The following PLEKHA5 variants were observed in gnomAD, a reference collection of about 807,000 sequenced individuals.
PLEKHA5 encodes the protein pleckstrin homology domain-containing family A member 5.
A neutral mutation model predicts 181.9 loss-of-function variants in PLEKHA5; 55 were observed. The ratio of observed to expected loss-of-function variants is 0.30; its 90% CI spans 0.24 to 0.38. PLEKHA5 has a LOEUF of 0.38. PLEKHA5 is among the 10% of genes least tolerant of loss of function. The pLI, the probability that PLEKHA5 is intolerant of heterozygous loss-of-function variation, is 1.00. For synonymous variants in PLEKHA5, 535 were observed against 529.4 expected, an observed-to-expected ratio of 1.01 and a Z score of -0.15; for missense variants, 1,432 against 1,549.5, an observed-to-expected ratio of 0.92 and a Z score of 1.27.
intron 20 of PLEKHA5, among the ~76,000 whole-genome samples, chr12:19,331,327 T>C (rs2092807955): frequency 6.6e-6 from 1 of 152,184 alleles, no homozygotes; most frequent in Non-Finnish European, 1.5e-5. Context: ...GTTTTCCTCA[T>C]ATTAAAAACT....
intron 3 of PLEKHA5, chr12:19,151,211 G>A (rs2040308243): frequency 6.6e-6 from 1 of 152,224 alleles, no homozygotes; most frequent in Admixed American, 6.5e-5. Flanking sequence ...AGGTACTGAG[G>A]TAATGCTTTG....
At chr12:19,174,721 T>C (rs1243669012) in intron 3 of PLEKHA5, among the ~76,000 whole-genome samples, 1 of 152,226 alleles carries the variant, frequency 6.6e-6, no homozygotes, top group Non-Finnish European at 1.5e-5. Context: ...CTAAGCCTTT[T>C]ATTATTTACA....
intron 29 of PLEKHA5, among the ~76,000 whole-genome samples, chr12:19,362,813 A>T (rs1400575112): frequency 6.6e-6 from 1 of 152,068 alleles, no homozygotes; most frequent in African/African-American, 2.4e-5. Context: ...GTCAAAAGGC[A>T]TATAAGCTGT....
At chr12:19,251,530 C>T (rs1049518974) in intron 3 of PLEKHA5, among the ~76,000 whole-genome samples, 4 of 151,754 alleles carry the variant, frequency 2.6e-5, no homozygotes, top group Middle Eastern at 3.4e-3. Flanking sequence ...TGCAGATATA[C>T]ATTTTGTGTA....
At chr12:19,233,441 G>A (rs2060928070) in intron 3 of PLEKHA5, among the ~76,000 whole-genome samples, 1 of 152,156 alleles carries the variant, frequency 6.6e-6, no homozygotes, top group Non-Finnish European at 1.5e-5. Flanking sequence ...AAAAGAGATT[G>A]GTAGGAGATC....
chr12:19,283,797 T>C, intron 12 of PLEKHA5, 52 bp downstream of exon 12: 1 of 1,144,772 alleles, frequency 8.7e-7, no homozygotes, highest in South Asian at 1.3e-5. Context: ...AATGCTGTGT[T>C]TTCTTTCTAG....
chr12:19,136,902 C>T lies in PLEKHA5; in HGVS notation c.227+4452C>T, dbSNP rs141039347. Among the ~76,000 whole-genome samples, 337 of 151,904 alleles carry T rather than the reference C, an allele frequency of 2.2e-3. 3 individuals carry two copies. Among genetic ancestry groups the T allele is most frequent in the African/African-American group, 7.9e-3 (327 of 41,412 alleles). On this transcript the variant is annotated intron_variant, in intron 3 of 31. Coordinates refer to ENST00000429027, the MANE Select transcript of PLEKHA5 (RefSeq NM_001256470.2). ...CTAATTCCAAACTTACCAAAACTAG[C>T]GTTGCAAGTAAGGAGAAAAATCTGT...
chr12:19,344,646 C>T (rs2094186766), intron 22 of PLEKHA5, among the ~76,000 whole-genome samples: 1 of 152,124 alleles, frequency 6.6e-6, no homozygotes, highest in African/African-American at 2.4e-5. Context: ...ATAACTGCGG[C>T]CAAAATGCCC....
intron 3 of PLEKHA5, among the ~76,000 whole-genome samples, chr12:19,226,495 C>G (rs1000588669): frequency 6.6e-6 from 1 of 152,080 alleles, no homozygotes; most frequent in Non-Finnish European, 1.5e-5. Flanking sequence ...AATTTTGTGT[C>G]CAACTTTTTG....
intron 3 of PLEKHA5, among the ~76,000 whole-genome samples, chr12:19,190,154 G>T (rs1325787062): frequency 6.6e-6 from 1 of 152,038 alleles, no homozygotes; most frequent in East Asian, 1.9e-4. Flanking sequence ...ACCCAATCTT[G>T]AAATCCTCCT....
chr12:19,361,170 T>C (rs1050967743), intron 28 of PLEKHA5, among the ~76,000 whole-genome samples: 1 of 152,046 alleles, frequency 6.6e-6, no homozygotes, highest in South Asian at 2.1e-4. Flanking sequence ...AGTGTGATTG[T>C]TTATTTATTT....
chr12:19,228,982 A>T (rs996957545), intron 3 of PLEKHA5, among the ~76,000 whole-genome samples: 1 of 152,182 alleles, frequency 6.6e-6, no homozygotes, highest in African/African-American at 2.4e-5. Context: ...GTTTCATTTA[A>T]AAGGGAAGAA....
At chr12:19,369,369 A>G (rs971424078) in intron 30 of PLEKHA5, among the ~76,000 whole-genome samples, 3 of 152,044 alleles carry the variant, frequency 2.0e-5, no homozygotes, top group Non-Finnish European at 4.4e-5. Flanking sequence ...TTGTCAGGAA[A>G]TATTTTATAC....
chr12:19,253,976 C>T lies in PLEKHA5; in HGVS notation c.264C>T (p.Val88=). The T allele has an allele frequency of 6.2e-7, 1 of 1,608,468 alleles. No homozygotes were observed. The highest frequency in any genetic ancestry group is 8.5e-7 in the Non-Finnish European group (1 of 1,176,960). The change falls in exon 4 of 32, where the codon GTC becomes GTT. Residue 88 remains valine, a synonymous_variant. Transcript: ENST00000429027. ...NERKVTCKHP[V]TGQPSQDNCI... is the part of the protein sequence containing the mutation. Reference sequence around the variant, plus strand: ...GGAAAGTGACCTGCAAACATCCAGTCACAGGACAACCATCACAGGACAATT... The same window carrying T: ...GGAAAGTGACCTGCAAACATCCAGTTACAGGACAACCATCACAGGACAATT...
chr12:19,280,700 A>G (rs776354539), intron 11 of PLEKHA5, among the ~76,000 whole-genome samples: 2 of 151,954 alleles, frequency 1.3e-5, no homozygotes, highest in African/African-American at 2.4e-5. Context: ...AGATGATTGT[A>G]TAAGATGAAT....
chr12:19,310,212 T>C (rs2085950598), intron 15 of PLEKHA5, among the ~76,000 whole-genome samples: 1 of 152,222 alleles, frequency 6.6e-6, no homozygotes, highest in Non-Finnish European at 1.5e-5. Context: ...TTCCTCTGAT[T>C]CCTTACACAA....
At chr12:19,320,672 G>A (rs766005838) in intron 18 of PLEKHA5, 48 bp downstream of exon 18, 13 of 819,958 alleles carry the variant, frequency 1.6e-5, no homozygotes, top group East Asian at 5.4e-5. Flanking sequence ...CGTATTCTCC[G>A]CCAAAAACAC....
At chr12:19,172,128 A>G (rs1470000775) in intron 3 of PLEKHA5, among the ~76,000 whole-genome samples, 1 of 152,224 alleles carries the variant, frequency 6.6e-6, no homozygotes. Context: ...ATTTATCATT[A>G]CCCAATATTA....
At chr12:19,207,238 T>A (rs2055780375) in intron 3 of PLEKHA5, 1 of 152,128 alleles carries the variant, frequency 6.6e-6, no homozygotes, top group Admixed American at 6.6e-5. Flanking sequence ...ATTATACTAT[T>A]TTATACTATT....
Sources: gnomAD v4.1 joint callset for allele counts (sites outside exome capture counted in the v4.1 genomes callset) on GRCh38, gnomAD v4.1.1 for gene constraint, MANE v1.5 for transcripts, NCBI Gene and HGNC (gene_info 2026-07-23, HGNC 2026-07-21) for gene names.